The following SEMA6D variants were observed in gnomAD, a reference collection of about 807,000 sequenced individuals.
The protein encoded by SEMA6D is semaphorin-6D.
A neutral mutation model predicts 106.6 loss-of-function variants in SEMA6D; 35 were observed. That is an observed-to-expected ratio of 0.33 (90% CI 0.25 to 0.44). The LOEUF is 0.44. Among genes scored for constraint, SEMA6D ranks in the 20% least tolerant of loss-of-function variants. The pLI is 1.00. For synonymous variants in SEMA6D, 499 were observed against 487.7 expected (o/e 1.02, Z -0.31); for missense variants, 1,185 against 1,345.9 (o/e 0.88, Z 1.87).
At chr15:47,507,450 T>C (rs2044086213) in intron 3 of SEMA6D, among the ~76,000 whole-genome samples, 2 of 150,852 alleles carry the variant, frequency 1.3e-5, no homozygotes, top group African/African-American at 4.9e-5. Flanking sequence ...ACTGGGTTTC[T>C]AAGTGCCAGA....
intron 1 of SEMA6D, among the ~76,000 whole-genome samples, chr15:47,278,421 G>T (rs897762692): frequency 2.4e-4 from 37 of 152,318 alleles, no homozygotes; most frequent in Non-Finnish European, 4.4e-4. Flanking sequence ...CTTTTGAGAA[G>T]TGTCTGTTGA....
chr15:47,383,598 A>G (rs759324009), intron 1 of SEMA6D, among the ~76,000 whole-genome samples: 3 of 151,906 alleles, frequency 2.0e-5, no homozygotes, highest in East Asian at 1.9e-4. Context: ...ATTGTTTTCT[A>G]TGGGTCAGGC....
At chr15:47,486,254 A>G (rs1373163431) in intron 3 of SEMA6D, among the ~76,000 whole-genome samples, 3 of 152,212 alleles carry the variant, frequency 2.0e-5, no homozygotes, top group African/African-American at 2.4e-5. Flanking sequence ...GTACTGAGTG[A>G]ATTTGTAATG....
At chr15:47,640,264 G>A (rs1448768607) in intron 4 of SEMA6D, among the ~76,000 whole-genome samples, 1 of 152,164 alleles carries the variant, frequency 6.6e-6, no homozygotes, top group Non-Finnish European at 1.5e-5. Flanking sequence ...TCCCATGCAC[G>A]AGTCCTCGCA....
chr15:47,478,896 G>A (rs1240461765), intron 3 of SEMA6D, among the ~76,000 whole-genome samples: 1 of 152,134 alleles, frequency 6.6e-6, no homozygotes, highest in Admixed American at 6.6e-5. Context: ...CATGGAGGCA[G>A]GCAAGAGAGA....
intron 4 of SEMA6D, among the ~76,000 whole-genome samples, chr15:47,631,842 A>G (rs1055960656): frequency 3.3e-5 from 5 of 151,956 alleles, no homozygotes; most frequent in African/African-American, 1.2e-4. Context: ...TGGGAAACCA[A>G]TATATTCTTC....
chr15:47,746,709 T>A (rs1871964864), intron 1 of SEMA6D, among the ~76,000 whole-genome samples: 1 of 152,120 alleles, frequency 6.6e-6, no homozygotes, highest in African/African-American at 2.4e-5. Context: ...TCTGGTAGAA[T>A]AAGCCAGTGT....
intron 3 of SEMA6D, among the ~76,000 whole-genome samples, chr15:47,564,857 C>T (rs2046184685): frequency 6.6e-6 from 1 of 152,162 alleles, no homozygotes; most frequent in Non-Finnish European, 1.5e-5. Context: ...AGAATCTAGA[C>T]ATCGGGACAA....
chr15:47,250,402 GAA>G (rs2033450427), intron 1 of SEMA6D, among the ~76,000 whole-genome samples: 1 of 151,378 alleles, frequency 6.6e-6, no homozygotes, highest in African/African-American at 2.4e-5. Flanking sequence ...GAAAGAGAAA[GAA>G]AGAGAGAAAG....
chr15:47,227,245 T>C (rs2031744346), intron 1 of SEMA6D, among the ~76,000 whole-genome samples: 1 of 151,984 alleles, frequency 6.6e-6, no homozygotes, highest in Admixed American at 6.6e-5. Context: ...TTAGAAAAGC[T>C]CCTACTTCTG....
Position 47,766,087 on chromosome 15 carries a change from C to CT in SEMA6D, c.1569-17dup. The CT allele has an allele frequency of 6.2e-7, 1 of 1,613,324 alleles. No individual in the cohort carries two copies. ...TTGATGAGAAAATCCAAGTTACATT[C>CT]TGTTTGGTTTTACACAGGTCTTGTA... On this transcript the variant is annotated splice_polypyrimidine_tract_variant and intron_variant, in intron 14 of 18. Coordinates refer to ENST00000536845, the MANE Select transcript of SEMA6D (RefSeq NM_001358351.3).
intron 1 of SEMA6D, among the ~76,000 whole-genome samples, chr15:47,190,872 T>A (rs1229837084): frequency 2.0e-5 from 3 of 152,216 alleles, no homozygotes; most frequent in South Asian, 2.1e-4. Context: ...TAGCTGGGTT[T>A]AAACTTGACA....
At chr15:47,564,713 G>A (rs1235634890) in intron 3 of SEMA6D, among the ~76,000 whole-genome samples, 1 of 152,136 alleles carries the variant, frequency 6.6e-6, no homozygotes, top group East Asian at 1.9e-4. Context: ...AAAAGCCTGA[G>A]ACCATGGCCC....
At chr15:47,494,790 A>ATATATATT (rs1596149084) in intron 3 of SEMA6D, among the ~76,000 whole-genome samples, 2 of 82,850 alleles carry the variant, frequency 2.4e-5, no homozygotes, top group African/African-American at 4.9e-5. Context: ...ATATATATAT[A>ATATATATT]ATCTCCAGAT....
rs192366661 is a variant in SEMA6D at position 47,533,322 on chromosome 15, T to C, written c.-87+62777T>C. On this transcript the variant is annotated intron_variant, in intron 3 of 19. Transcript: ENST00000558014. ...TAACATTGCAGCCTCTACTCTCTTC[T>C]GGAAATCATTAATAAAGAGACAAAA... Among the ~76,000 whole-genome samples, 232 of 152,328 alleles carry C rather than the reference T, an allele frequency of 1.5e-3. 1 individual carries two copies. Among genetic ancestry groups the C allele is most frequent in the African/African-American group, 5.4e-3 (226 of 41,586 alleles).
At chr15:47,218,361 C>A (rs75415485) in intron 1 of SEMA6D, among the ~76,000 whole-genome samples, 4,673 of 152,114 alleles carry the variant, frequency 0.031, 239 homozygotes, top group African/African-American at 0.11. Context: ...CTTCTGGAAC[C>A]CAGAGTTAAA....
At chr15:47,449,781 A>G (rs1306050332) in intron 2 of SEMA6D, among the ~76,000 whole-genome samples, 5 of 152,124 alleles carry the variant, frequency 3.3e-5, no homozygotes, top group African/African-American at 9.7e-5. Flanking sequence ...GTATAATGCA[A>G]TAGAGCACAA....
rs2045790546 is a variant in SEMA6D, at chr15:47,552,891, A to ATTTTT, written c.-86-47974_-86-47973insTTTTT. Reference sequence around the variant, plus strand: ...TTTTATATATATATAAATATATATAAATATATATATATATAAATATATATA... The same window carrying ATTTTT: ...TTTTATATATATATAAATATATATAATTTTTATATATATATATATAAATATATATA... On this transcript the variant is annotated intron_variant, in intron 3 of 19. Transcript: ENST00000558014. Among the ~76,000 whole-genome samples the ATTTTT allele has an allele frequency of 1.4e-3, 48 of 35,288 alleles. 2 individuals are homozygous for ATTTTT. The highest frequency in any genetic ancestry group is 0.033 in the Middle Eastern group (2 of 60). 23.2% of individuals were successfully genotyped at this position (35,288 alleles called of 152,430 possible).
chr15:47,428,188 A>G (rs1445941008), intron 2 of SEMA6D, among the ~76,000 whole-genome samples: 1 of 152,164 alleles, frequency 6.6e-6, no homozygotes, highest in Non-Finnish European at 1.5e-5. Context: ...CAATAGAGGC[A>G]AAGATAAATA....
Sources: allele counts gnomAD v4.1 joint callset (sites outside exome capture counted in the v4.1 genomes callset), GRCh38; gene constraint gnomAD v4.1.1; transcripts MANE v1.5; gene names NCBI Gene and HGNC (gene_info 2026-07-23, HGNC 2026-07-21).